PITRM1: variants seen among roughly 807,000 people sequenced by gnomAD.
PITRM1 encodes the protein pitrilysin metallopeptidase 1.
PITRM1 carries 100 observed loss-of-function variants against 129.9 expected under a neutral mutation model. That is an observed-to-expected ratio of 0.77 (90% CI 0.65 to 0.91). The LOEUF (loss-of-function observed/expected upper bound fraction) is 0.91, where lower values mean the gene tolerates loss of function less well. Among genes scored for constraint, PITRM1 ranks in the 40% least tolerant of loss-of-function variants. The pLI, the probability that PITRM1 is intolerant of heterozygous loss-of-function variation, is 0.00. For missense variants in PITRM1, 1,471 were observed against 1,318.3 expected (o/e 1.12, Z -1.79); for synonymous variants, 591 against 508.8 (o/e 1.16, Z -2.17).
chr10:3,153,516 G>A (rs1158648875), intron 14 of PITRM1, among the ~76,000 whole-genome samples: 1 of 152,130 alleles, frequency 6.6e-6, no homozygotes, highest in African/African-American at 2.4e-5. Context: ...CTACTTGGGA[G>A]GCTGAGGCGA....
chr10:3,164,954 T>C (rs932951871), intron 6 of PITRM1, among the ~76,000 whole-genome samples: 4 of 152,172 alleles, frequency 2.6e-5, no homozygotes, highest in African/African-American at 9.7e-5. Flanking sequence ...CAAGAATGAA[T>C]GAAAAGACAC....
chr10:3,160,407 ACACAG>A, intron 7 of PITRM1, 77 bp from the exon 8 acceptor site: 1 of 1,238,398 alleles, frequency 8.1e-7, no homozygotes, highest in South Asian at 1.3e-5. Flanking sequence ...TTTCACTGAA[ACACAG>A]CACAGGAGTG....
chr10:3,171,146 TTAAAAAAAAAAAAAAAAAAAAAA>T (rs1474873323), intron 1 of PITRM1, among the ~76,000 whole-genome samples: 8 of 36,266 alleles, frequency 2.2e-4, no homozygotes, highest in South Asian at 1.4e-3. Context: ...AATCGTTCAA[TTAAAAAAAAAAAAAAAAAAAAAA>T]AAAAAAAAAA....
chr10:3,148,153 C>CT lies in PITRM1; in HGVS notation c.1992+17dup, dbSNP rs775958458. 14 of 1,613,922 alleles carry CT rather than the reference C, an allele frequency of 8.7e-6. No individual in the cohort carries two copies. Among genetic ancestry groups the CT allele is most frequent in the Non-Finnish European group, 1.1e-5 (13 of 1,179,812 alleles). On this transcript the variant is annotated intron_variant, in intron 17 of 26. Transcript: ENST00000224949. ...AAAAGCTTCCCACCGCAGCAGTCGT[C>CT]TGACGGTACCAGGCTACCTGCTCGT...
rs147933160 is a variant in PITRM1, at chr10:3,143,481, C to A, written c.2553G>T (p.Trp851Cys). 5.0e-6 allele frequency: 8 copies of A among 1,613,320 alleles called. No individual in the cohort carries two copies. Among genetic ancestry groups the A allele is most frequent in the Non-Finnish European group, 6.8e-6 (8 of 1,179,304 alleles). ...GCATCAGGAAGTGAGTCTTCATCTG[C>A]CAGGGCTTGAAGGTGGGTTCCTGAG... The part of the protein sequence containing the change: ...KLVMEPTFKP[W>C]QMKTHFLMPF... The change falls in exon 23 of 27, where the codon TGG becomes TGT. Residue 851 changes from tryptophan to cysteine, a missense_variant. Physicochemically the swap from Trp to Cys is radical, Grantham distance 215. Coordinates refer to ENST00000224949, the MANE Select transcript of PITRM1 (RefSeq NM_014889.4).
At chr10:3,170,947 A>G (rs1250231077) in intron 1 of PITRM1, among the ~76,000 whole-genome samples, 4 of 151,578 alleles carry the variant, frequency 2.6e-5, no homozygotes, top group Non-Finnish European at 5.9e-5. Context: ...TGGGTGACAG[A>G]GCAAGACTGT....
At chr10:3,153,541 T>C (rs1047827328) in intron 14 of PITRM1, among the ~76,000 whole-genome samples, 1 of 150,996 alleles carries the variant, frequency 6.6e-6, no homozygotes, top group Admixed American at 6.6e-5. Context: ...ATGACGTGAA[T>C]CCGGGAGGGG....
At chr10:3,159,970 G>C in intron 8 of PITRM1, 34 bp from the exon 9 acceptor site, 1 of 1,450,598 alleles carries the variant, frequency 6.9e-7, no homozygotes. Context: ...AGTAGGCACA[G>C]TGTCTGACGG....
intron 14 of PITRM1, among the ~76,000 whole-genome samples, chr10:3,154,502 GTGTATAAT>G (rs1350707542): frequency 6.6e-6 from 1 of 152,084 alleles, no homozygotes; most frequent in Non-Finnish European, 1.5e-5. Context: ...ATTCTAGTAG[GTGTATAAT>G]TGTATATCAC....
At position 3,149,700 on chromosome 10, in the gene PITRM1, A is replaced by G; in HGVS notation, c.1792T>C (p.Phe598Leu). ...GTGTTCAGGCTGGAGAAGGCCCGGA[A>G]ATACACCATGCCATTGGTGGGCTGG... is the stretch of plus-strand genomic sequence containing the variant. ...CAQPTNGMVY[F>L]RAFSSLNTLP... Residue 598 changes from phenylalanine to leucine, a missense_variant, in exon 16 of 27, where the codon TTC (phenylalanine) becomes CTC (leucine). Phe to Leu is a conservative substitution (Grantham distance 22). Coordinates refer to ENST00000224949, the MANE Select transcript of PITRM1 (RefSeq NM_014889.4). 1 of 1,612,098 alleles carries G rather than the reference A, an allele frequency of 6.2e-7. No homozygotes were observed. Among genetic ancestry groups the G allele is most frequent in the Non-Finnish European group, 8.5e-7 (1 of 1,179,414 alleles).
intron 26 of PITRM1, 31 bp from the exon 27 acceptor site, chr10:3,138,155 A>G: frequency 1.9e-6 from 3 of 1,575,656 alleles, no homozygotes; most frequent in Non-Finnish European, 1.7e-6. Flanking sequence ...GTCAGCAAGG[A>G]CTGGCTTCTG....
intron 16 of PITRM1, 108 bp from the exon 17 acceptor site, chr10:3,148,399 C>A (rs946517585): frequency 6.4e-6 from 9 of 1,398,678 alleles, no homozygotes; most frequent in South Asian, 2.7e-5. Flanking sequence ...TCAATAACTG[C>A]GGCTTTGCCA....
At chr10:3,154,195 G>A (rs1186590778) in intron 14 of PITRM1, among the ~76,000 whole-genome samples, 1 of 152,210 alleles carries the variant, frequency 6.6e-6, no homozygotes, top group Non-Finnish European at 1.5e-5. Flanking sequence ...CCAATACCAA[G>A]CGTGCATCAT....
Position 3,145,607 on chromosome 10 carries a change from G to A in PITRM1, c.2446C>T (p.His816Tyr). 1 of 1,549,924 alleles carries A rather than the reference G, an allele frequency of 6.5e-7. No individual in the cohort carries two copies. Among genetic ancestry groups the A allele is most frequent in the Non-Finnish European group, 8.7e-7 (1 of 1,146,942 alleles). The part of the protein sequence containing the change: ...SKKERRPVRP[H>Y]TVEKPVPSSS... ...CCACCAGTGCATACCTCGACCGTGT[G>A]TGGGCGCACAGGCCTCCGTTCCTTT... is the stretch of plus-strand genomic sequence containing the variant. The change falls in exon 21 of 27, where the codon CAC becomes TAC. Residue 816 changes from histidine to tyrosine, a missense_variant. His to Tyr is a moderately conservative substitution (Grantham distance 83). Coordinates refer to ENST00000224949, the MANE Select transcript of PITRM1 (RefSeq NM_014889.4).
chr10:3,138,732 C>A (rs774253017), intron 25 of PITRM1, 172 bp downstream of exon 25: 1 of 775,702 alleles, frequency 1.3e-6, no homozygotes. Flanking sequence ...GCACTCTTCT[C>A]GCCCGGATGT....
intron 6 of PITRM1, chr10:3,164,208 G>A (rs903862570): frequency 1.3e-5 from 2 of 159,964 alleles, no homozygotes; most frequent in Non-Finnish European, 1.4e-5. Context: ...CGTGAGGGAA[G>A]TGGGGAGAAG....
At chr10:3,147,129 A>T in intron 20 of PITRM1, 21 bp downstream of exon 20, 1 of 1,267,998 alleles carries the variant, frequency 7.9e-7, no homozygotes, top group Non-Finnish European at 1.1e-6. Flanking sequence ...TAAAATATTT[A>T]GAAACAAATC....
At chr10:3,141,107 A>G (rs897868065) in intron 23 of PITRM1, among the ~76,000 whole-genome samples, 2 of 152,118 alleles carry the variant, frequency 1.3e-5, no homozygotes, top group African/African-American at 2.4e-5. Flanking sequence ...ACGCCTGACT[A>G]TTTTTACAGT....
At chr10:3,155,798 A>C in intron 13 of PITRM1, 69 bp from the exon 14 acceptor site, 2 of 1,556,104 alleles carry the variant, frequency 1.3e-6, no homozygotes, top group Non-Finnish European at 1.8e-6. Flanking sequence ...ACACTCAACA[A>C]GCTTCTGCTG....
Sources: allele counts gnomAD v4.1 joint callset (sites outside exome capture counted in the v4.1 genomes callset), GRCh38; gene constraint gnomAD v4.1.1; transcripts MANE v1.5; gene names NCBI Gene and HGNC (gene_info 2026-07-23, HGNC 2026-07-21).